GRM8: variants seen among roughly 807,000 people sequenced by gnomAD.
GRM8 encodes the protein glutamate metabotropic receptor 8.
In GRM8, 47 loss-of-function variants were observed where a neutral mutation model predicts 87.2. That is an observed-to-expected ratio of 0.54 (90% CI 0.43 to 0.69). GRM8 has a LOEUF of 0.69. Ranked by LOEUF, GRM8 falls within the 30% of genes least tolerant of loss-of-function variation. The pLI, the probability that GRM8 is intolerant of heterozygous loss-of-function variation, is 0.00. For synonymous variants in GRM8, 396 were observed against 404.5 expected, an observed-to-expected ratio of 0.98 and a Z score of 0.25; for missense variants, 1,019 against 1,139.2, an observed-to-expected ratio of 0.89 and a Z score of 1.52.
intron 3 of GRM8, among the ~76,000 whole-genome samples, chr7:127,035,527 T>C (rs1312081080): frequency 6.6e-6 from 1 of 152,192 alleles, no homozygotes; most frequent in African/African-American, 2.4e-5. Context: ...AATTCCACTC[T>C]CCACAAGGCT....
intron 7 of GRM8, among the ~76,000 whole-genome samples, chr7:126,750,580 C>G (rs1816305269): frequency 6.6e-6 from 1 of 151,874 alleles, no homozygotes; most frequent in South Asian, 2.1e-4. Context: ...ATCCAAGCCT[C>G]AAATATGACT....
At position 126,746,384 on chromosome 7, in the gene GRM8, G is replaced by A. The variant is rs186371216; in HGVS notation, c.1357+23481C>T. ...ATGAATAACCAGGAAATTCATCCAT[G>A]GTTATCTAGAATATAGAAATGAAAT... On this transcript the variant is annotated intron_variant, in intron 7 of 10. Transcript: ENST00000339582. 1.4e-3 allele frequency among the ~76,000 whole-genome samples: 215 copies of A among 151,344 alleles called. 1 individual carries two copies. Among genetic ancestry groups the A allele is most frequent in the Non-Finnish European group, 1.1e-3 (71 of 67,580 alleles).
chr7:126,440,447 C>T (rs2150442041), intron 10 of GRM8, among the ~76,000 whole-genome samples: 1 of 150,530 alleles, frequency 6.6e-6, no homozygotes, highest in Non-Finnish European at 1.5e-5. Context: ...TACAGTACTG[C>T]CATGTCCTAG....
At chr7:127,147,231 C>G (rs556447969) in intron 2 of GRM8, among the ~76,000 whole-genome samples, 2 of 151,930 alleles carry the variant, frequency 1.3e-5, no homozygotes, top group Non-Finnish European at 2.9e-5. Flanking sequence ...ATCAATGTTT[C>G]CCAAGAAGTC....
Position 126,859,031 on chromosome 7 carries a change from C to T in GRM8, c.1156+43511G>A, listed in dbSNP as rs571299046. Among the ~76,000 whole-genome samples the T allele has an allele frequency of 7.2e-5, 11 of 152,076 alleles. No homozygotes were observed. In the East Asian group the frequency reaches 1.7e-3, roughly 24 times the overall value. On this transcript the variant is annotated intron_variant, in intron 6 of 10. Transcript: ENST00000339582. ...CTTCCCAGACCTTCCCAGACCACCA[C>T]ATGATAAAACAGCCTCCCTAAAGGC...
chr7:126,562,632 C>T (rs867331830), intron 8 of GRM8, among the ~76,000 whole-genome samples: 4 of 152,126 alleles, frequency 2.6e-5, no homozygotes, highest in Admixed American at 1.3e-4. Flanking sequence ...TGGTGGCTCA[C>T]GCCTGTAATC....
intron 2 of GRM8, among the ~76,000 whole-genome samples, chr7:127,223,313 A>T (rs894264483): frequency 2.0e-5 from 3 of 151,930 alleles, no homozygotes; most frequent in Admixed American, 2.0e-4. Flanking sequence ...AAAAACAAAT[A>T]AGCAAAAAAA....
chr7:126,472,604 A>C (rs1326516211), intron 9 of GRM8, among the ~76,000 whole-genome samples: 1 of 152,138 alleles, frequency 6.6e-6, no homozygotes, highest in Non-Finnish European at 1.5e-5. Context: ...GAAAGTGAAA[A>C]CCCATTTTCT....
chr7:126,720,453 A>G (rs6467097), intron 7 of GRM8, among the ~76,000 whole-genome samples: 73,333 of 151,936 alleles, frequency 0.48, 19,256 homozygotes, highest in African/African-American at 0.7. Context: ...TAAATGAATA[A>G]GTGGTTATTA....
At chr7:126,775,533 C>A (rs2151624498) in intron 6 of GRM8, among the ~76,000 whole-genome samples, 1 of 128,872 alleles carries the variant, frequency 7.8e-6, no homozygotes, top group South Asian at 2.4e-4. Flanking sequence ...GATTTGGGTT[C>A]CAGGATACAA....
At chr7:126,717,317 C>T (rs903501516) in intron 7 of GRM8, among the ~76,000 whole-genome samples, 5 of 152,018 alleles carry the variant, frequency 3.3e-5, no homozygotes, top group African/African-American at 7.2e-5. Flanking sequence ...ACAGGAAGGT[C>T]GAGGCTTGTG....
At chr7:127,120,974 T>G (rs1268752657) in intron 2 of GRM8, among the ~76,000 whole-genome samples, 1 of 152,240 alleles carries the variant, frequency 6.6e-6, no homozygotes, top group Admixed American at 6.5e-5. Flanking sequence ...AAAAGCTTTT[T>G]AAATATATTT....
chr7:126,959,610 G>GA (rs964980819), intron 3 of GRM8, among the ~76,000 whole-genome samples: 1 of 151,972 alleles, frequency 6.6e-6, no homozygotes, highest in Non-Finnish European at 1.5e-5. Flanking sequence ...ACCTTCAAGG[G>GA]AAAAAAATCT....
At position 126,769,920 on chromosome 7, in the gene GRM8, C is replaced by A. The variant is rs750543385; in HGVS notation, c.1302G>T (p.Met434Ile). ...CPGYIGLCPR[M>I]STIDGKELLG... ...GTAGCTCTTTCCCATCAATGGTACT[C>A]ATTCGTGGACAAAGGCCAATGTATC... Residue 434 changes from methionine to isoleucine, a missense_variant, in exon 7 of 11, where the codon ATG (methionine) becomes ATT (isoleucine). Physicochemically the swap from Met to Ile is conservative, Grantham distance 10. Coordinates refer to ENST00000339582, the MANE Select transcript of GRM8 (RefSeq NM_000845.3). 1.9e-6 allele frequency: 3 copies of A among 1,613,096 alleles called. No homozygotes were observed. Among genetic ancestry groups the A allele is most frequent in the Non-Finnish European group, 2.5e-6 (3 of 1,179,286 alleles).
intron 6 of GRM8, among the ~76,000 whole-genome samples, chr7:126,899,742 T>TC (rs386411228): frequency 6.6e-6 from 1 of 151,656 alleles, no homozygotes; most frequent in Non-Finnish European, 1.5e-5. Flanking sequence ...CCCTTCTTTT[T>TC]TTTTTTCTGA....
At chr7:126,456,618 A>G (rs2150504455) in intron 9 of GRM8, among the ~76,000 whole-genome samples, 1 of 150,094 alleles carries the variant, frequency 6.7e-6, no homozygotes, top group African/African-American at 2.4e-5. Flanking sequence ...TTACTCATAA[A>G]ATATCAGACA....
At chr7:126,960,933 A>T (rs904819615) in intron 3 of GRM8, among the ~76,000 whole-genome samples, 2 of 152,282 alleles carry the variant, frequency 1.3e-5, no homozygotes, top group East Asian at 3.9e-4. Context: ...CCTTCAGGAG[A>T]CACCTCTCCT....
At chr7:126,506,961 T>G (rs142227081) in intron 9 of GRM8, among the ~76,000 whole-genome samples, 2 of 152,138 alleles carry the variant, frequency 1.3e-5, no homozygotes, top group African/African-American at 4.8e-5. Flanking sequence ...GTAAATTACA[T>G]AGGCAGGGCA....
At chr7:126,507,848 G>T (rs1810721369) in intron 9 of GRM8, among the ~76,000 whole-genome samples, 1 of 151,666 alleles carries the variant, frequency 6.6e-6, no homozygotes, top group African/African-American at 2.4e-5. Context: ...TCCCTGTATG[G>T]CCCTCCCCCA....
Sources: allele counts gnomAD v4.1 joint callset (sites outside exome capture counted in the v4.1 genomes callset), GRCh38; gene constraint gnomAD v4.1.1; transcripts MANE v1.5; gene names NCBI Gene and HGNC (gene_info 2026-07-23, HGNC 2026-07-21).